WFIKKN2: variants seen among roughly 807,000 people sequenced by gnomAD.
The protein encoded by WFIKKN2 is WAP, follistatin/kazal, immunoglobulin, kunitz and netrin domain containing 2.
In WFIKKN2, 25 loss-of-function variants were observed where a neutral mutation model predicts 39.2. That is an observed-to-expected ratio of 0.64 (90% CI 0.47 to 0.89). WFIKKN2 has a LOEUF of 0.89. Among genes scored for constraint, WFIKKN2 ranks in the 40% least tolerant of loss-of-function variants. WFIKKN2 has a pLI of 0.00. For synonymous variants in WFIKKN2, 345 were observed against 329.7 expected (o/e 1.05, Z -0.50); for missense variants, 770 against 811.7 (o/e 0.95, Z 0.62).
Position 50,835,987 on chromosome 17 carries a change from C to T in WFIKKN2, c.50C>T (p.Ala17Val). 6.2e-7 allele frequency: 1 copy of T among 1,607,966 alleles called. No homozygotes were observed. The highest frequency in any genetic ancestry group is 1.1e-5 in the South Asian group (1 of 90,044). The change falls in exon 1 of 2, where the codon GCA becomes GTA. Residue 17 changes from alanine (A) to valine (V), a missense_variant. Physicochemically the swap from Ala to Val is moderately conservative, Grantham distance 64 (BLOSUM62 0). Coordinates refer to ENST00000311378, the MANE Select transcript of WFIKKN2 (RefSeq NM_175575.6). ...TTCTGGTCTCGCTGGGAGCAGGTGG[C>T]AGCGCTGCTGCTGCTGCTGCTACTG... ...RRFWSRWEQV[A>V]ALLLLLLLLG...
At chr17:50,837,853 G>T (rs1034973182) in intron 1 of WFIKKN2, among the ~76,000 whole-genome samples, 1 of 152,246 alleles carries the variant, frequency 6.6e-6, no homozygotes, top group Non-Finnish European at 1.5e-5. Flanking sequence ...GCAGGCACAG[G>T]CTGGCCTGAT....
chr17:50,835,157 G>C (rs961375518), upstream of WFIKKN2: 1 of 152,338 alleles, frequency 6.6e-6, no homozygotes, highest in Non-Finnish European at 1.5e-5. Context: ...CGGGGCCGGG[G>C]TGGGAGTCGG....
intron 1 of WFIKKN2, among the ~76,000 whole-genome samples, chr17:50,839,173 A>T (rs1275747934): frequency 1.3e-5 from 2 of 151,742 alleles, no homozygotes; most frequent in East Asian, 3.9e-4. Context: ...TCTTTGGCCC[A>T]CCCCTTCCTA....
rs1422789568 is a variant in WFIKKN2 at position 50,840,293 on chromosome 17, G to A, written c.1005G>A (p.Glu335=). The A allele has an allele frequency of 1.2e-6, 2 of 1,614,060 alleles. No individual in the cohort carries two copies. The highest frequency in any genetic ancestry group is 1.3e-5 in the African/African-American group (1 of 75,068). ...AGTGCCTGAAGCCCCCAGACAGTGA[G>A]GACTGTGGCGAAGAGCAGACCCGCT... ...AAECLKPPDS[E]DCGEEQTRWH... Residue 335 remains glutamate, a synonymous_variant, in exon 2 of 2, where the codon GAG becomes GAA. Transcript: ENST00000311378.
In WFIKKN2 at chr17:50,839,630, C is replaced by T; in HGVS notation, c.342C>T (p.Phe114=). ...CCAAGGAGGCCACATGTGACCACTT[C>T]ATGTGTCTGCAGCAGGGCTCTGAGT... is the stretch of plus-strand genomic sequence containing the variant. The part of the protein sequence containing the change: ...GMPKEATCDH[F]MCLQQGSECD... Residue 114 remains phenylalanine, a synonymous_variant, in exon 2 of 2, where the codon TTC becomes TTT. Transcript: ENST00000311378. The T allele has an allele frequency of 1.2e-6, 2 of 1,614,212 alleles. No homozygotes were observed. The highest frequency in any genetic ancestry group is 1.7e-6 in the Non-Finnish European group (2 of 1,180,022).
intron 1 of WFIKKN2, among the ~76,000 whole-genome samples, chr17:50,839,227 G>C (rs955138925): frequency 3.9e-5 from 6 of 152,260 alleles, no homozygotes; most frequent in Admixed American, 3.3e-4. Context: ...TAGCCTCTCT[G>C]TGCCTCAGTC....
chr17:50,839,573 C>A lies in WFIKKN2; in HGVS notation c.285C>A (p.Asp95Glu). The part of the protein sequence containing the change: ...TKSCVAARYM[D>E]VKGKKGPVGM... Reference sequence around the variant, plus strand: ...GCTGCGTGGCGGCCCGCTACATGGACGTGAAAGGGAAGAAGGGCCCAGTGG... The same window carrying A: ...GCTGCGTGGCGGCCCGCTACATGGAAGTGAAAGGGAAGAAGGGCCCAGTGG... The change falls in exon 2 of 2, where the codon GAC (aspartate) becomes GAA (glutamate). Residue 95 changes from aspartate (D) to glutamate (E), a missense_variant. Physicochemically the swap from Asp to Glu is conservative, Grantham distance 45. Coordinates refer to ENST00000311378, the MANE Select transcript of WFIKKN2 (RefSeq NM_175575.6). 1 of 1,614,116 alleles carries A rather than the reference C, an allele frequency of 6.2e-7. No individual in the cohort carries two copies. Among genetic ancestry groups the A allele is most frequent in the Non-Finnish European group, 8.5e-7 (1 of 1,180,016 alleles).
chr17:50,837,076 C>T (rs12949722), intron 1 of WFIKKN2, among the ~76,000 whole-genome samples: 97,616 of 151,628 alleles, frequency 0.64, 31,889 homozygotes, highest in Non-Finnish European at 0.72. Context: ...GTGCCGGGCA[C>T]GTCGTGTATG....
Position 50,840,327 on chromosome 17 carries a change from G to A in WFIKKN2, c.1039G>A (p.Asp347Asn), listed in dbSNP as rs771833676. The change falls in exon 2 of 2, where the codon GAT (aspartate) becomes AAT (asparagine). Residue 347 changes from aspartate to asparagine, a missense_variant. Coordinates refer to ENST00000311378, the MANE Select transcript of WFIKKN2 (RefSeq NM_175575.6). ...CGAAGAGCAGACCCGCTGGCACTTC[G>A]ATGCCCAGGCCAACAACTGCCTGAC... Reference protein sequence around the residue: ...CGEEQTRWHFDAQANNCLTFT... With the variant: ...CGEEQTRWHFNAQANNCLTFT... 3.2e-5 allele frequency: 51 copies of A among 1,614,006 alleles called. No individual in the cohort carries two copies. The highest frequency in any genetic ancestry group is 6.7e-5 in the East Asian group (3 of 44,882).
Position 50,840,314 on chromosome 17 carries a change from C to T in WFIKKN2, c.1026C>T (p.Thr342=), listed in dbSNP as rs778552604. 3 of 1,614,128 alleles carry T rather than the reference C, an allele frequency of 1.9e-6. No homozygotes were observed. The highest frequency in any genetic ancestry group is 2.5e-6 in the Non-Finnish European group (3 of 1,180,030). The change falls in exon 2 of 2, where the codon ACC becomes ACT. Residue 342 remains threonine, a synonymous_variant. Transcript: ENST00000311378. ...PDSEDCGEEQ[T]RWHFDAQANN... is the part of the protein sequence containing the mutation. ...GTGAGGACTGTGGCGAAGAGCAGAC[C>T]CGCTGGCACTTCGATGCCCAGGCCA...
Position 50,840,851 on chromosome 17 carries a change from C to G in WFIKKN2, c.1563C>G (p.Thr521=). Reference sequence around the variant, plus strand: ...GGGCATGCCCCTGCCCCAACGTGACCGTGAGCGAGATGCCGCTCATCATCA... The same window carrying G: ...GGGCATGCCCCTGCCCCAACGTGACGGTGAGCGAGATGCCGCTCATCATCA... ...VDWACPCPNV[T]VSEMPLIIMG... is the part of the protein sequence containing the mutation. Residue 521 remains threonine, a synonymous_variant, in exon 2 of 2, where the codon ACC becomes ACG. Coordinates refer to ENST00000311378, the MANE Select transcript of WFIKKN2 (RefSeq NM_175575.6). 6.2e-7 allele frequency: 1 copy of G among 1,611,118 alleles called. No individual in the cohort carries two copies. The highest frequency in any genetic ancestry group is 8.5e-7 in the Non-Finnish European group (1 of 1,177,688).
chr17:50,838,441 A>G (rs768646572), intron 1 of WFIKKN2, among the ~76,000 whole-genome samples: 31 of 152,180 alleles, frequency 2.0e-4, no homozygotes, highest in Non-Finnish European at 4.3e-4. Context: ...TAATTCACAG[A>G]GTTACTACCT....
rs1424701836 is a variant in WFIKKN2, at chr17:50,840,233, G to A, written c.945G>A (p.Glu315=). ...GTCATCAGGCTGCAGCCACCTCAGAGAGCAGCCCCAATGGCACGGCTTTCC... is the reference window on the plus strand; with the variant it reads ...GTCATCAGGCTGCAGCCACCTCAGAAAGCAGCCCCAATGGCACGGCTTTCC... ...VRGHQAAATS[E]SSPNGTAFPA... is the part of the protein sequence containing the mutation. The change falls in exon 2 of 2, where the codon GAG becomes GAA. Residue 315 remains glutamate, a synonymous_variant. Coordinates refer to ENST00000311378, the MANE Select transcript of WFIKKN2 (RefSeq NM_175575.6). 1.2e-6 allele frequency: 2 copies of A among 1,614,004 alleles called. No homozygotes were observed. The highest frequency in any genetic ancestry group is 1.7e-6 in the Non-Finnish European group (2 of 1,180,018).
Position 50,840,467 on chromosome 17 carries a change from G to A in WFIKKN2, c.1179G>A (p.Gly393=). 2 of 1,613,856 alleles carry A rather than the reference G, an allele frequency of 1.2e-6. No homozygotes were observed. Among genetic ancestry groups the A allele is most frequent in the Non-Finnish European group, 8.5e-7 (1 of 1,179,922 alleles). The change falls in exon 2 of 2, where the codon GGG becomes GGA. Residue 393 remains glycine, a synonymous_variant. Coordinates refer to ENST00000311378, the MANE Select transcript of WFIKKN2 (RefSeq NM_175575.6). ...LAACSLPALQ[G]PCKAYAPRWA... is the part of the protein sequence containing the mutation. ...CGTGCAGCCTGCCCGCCCTGCAGGG[G>A]CCCTGCAAAGCCTACGCGCCTCGCT...
At position 50,840,309 on chromosome 17, in the gene WFIKKN2, C is replaced by A; in HGVS notation, c.1021C>A (p.Gln341Lys). The change falls in exon 2 of 2, where the codon CAG becomes AAG. Residue 341 changes from glutamine (Q) to lysine (K), a missense_variant. Transcript: ENST00000311378. ...AGACAGTGAGGACTGTGGCGAAGAGCAGACCCGCTGGCACTTCGATGCCCA... is the reference window on the plus strand; with the variant it reads ...AGACAGTGAGGACTGTGGCGAAGAGAAGACCCGCTGGCACTTCGATGCCCA... ...PPDSEDCGEEQTRWHFDAQAN... is the reference protein window; with the variant it reads ...PPDSEDCGEEKTRWHFDAQAN... The A allele has an allele frequency of 1.5e-5, 25 of 1,614,096 alleles. No individual in the cohort carries two copies. The highest frequency in any genetic ancestry group is 2.0e-5 in the Non-Finnish European group (24 of 1,180,012).
rs140211672 is a variant in WFIKKN2, at chr17:50,835,960, G to C, written c.23G>C (p.Arg8Pro). 1,490 of 1,610,748 alleles carry C rather than the reference G, an allele frequency of 9.3e-4. 14 individuals carry two copies. The African/African-American group carries it at 0.016, about 17-fold the overall frequency. ...ACCATGTGGGCCCCAAGGTGTCGCC[G>C]GTTCTGGTCTCGCTGGGAGCAGGTG... MWAPRCR[R>P]FWSRWEQVAA... is the part of the protein sequence containing the mutation. Residue 8 changes from arginine to proline, a missense_variant, in exon 1 of 2, where the codon CGG becomes CCG. Coordinates refer to ENST00000311378, the MANE Select transcript of WFIKKN2 (RefSeq NM_175575.6).
In WFIKKN2 at chr17:50,835,665, G is replaced by A. The variant is rs902598930; in HGVS notation, c.-273G>A. 2.1e-6 allele frequency: 1 copy of A among 466,552 alleles called. No homozygotes were observed. Among genetic ancestry groups the A allele is most frequent in the East Asian group, 3.5e-5 (1 of 28,200 alleles). The allele number at this position is 466,552 out of a possible 1,614,324, so 28.9% of individuals were successfully genotyped here. On this transcript the variant is annotated 5_prime_UTR_variant, in exon 1 of 2. Coordinates refer to ENST00000311378, the MANE Select transcript of WFIKKN2 (RefSeq NM_175575.6). ...GGTGGCGCGCCCAGGATATAAATCC[G>A]GGCGCGGGCCCCTGCTGTGGCTCCT...
chr17:50,841,263 A>C lies in WFIKKN2; in HGVS notation c.*244A>C. 2.5e-6 allele frequency: 1 copy of C among 398,722 alleles called. No individual in the cohort carries two copies. The highest frequency in any genetic ancestry group is 4.5e-6 in the Non-Finnish European group (1 of 224,228). 24.7% of individuals were successfully genotyped at this position (398,722 alleles called of 1,614,324 possible). A position where few individuals can be genotyped will look rare whatever the true frequency, so the allele number is the denominator to read the frequency against. On this transcript the variant is annotated 3_prime_UTR_variant, in exon 2 of 2. Transcript: ENST00000311378. ...AGAAGTCAGTGGACACATGGAAGTT[A>C]CTCGTGACCACCAGCTTGCTCAGAT...
At position 50,835,987 on chromosome 17, in the gene WFIKKN2, C is replaced by G. The variant is rs1469893972; in HGVS notation, c.50C>G (p.Ala17Gly). ...RRFWSRWEQV[A>G]ALLLLLLLLG... ...TTCTGGTCTCGCTGGGAGCAGGTGGCAGCGCTGCTGCTGCTGCTGCTACTG... is the reference window on the plus strand; with the variant it reads ...TTCTGGTCTCGCTGGGAGCAGGTGGGAGCGCTGCTGCTGCTGCTGCTACTG... Residue 17 changes from alanine to glycine, a missense_variant, in exon 1 of 2, where the codon GCA becomes GGA. Transcript: ENST00000311378. The G allele has an allele frequency of 6.2e-7, 1 of 1,607,966 alleles. No individual in the cohort carries two copies. Among genetic ancestry groups the G allele is most frequent in the Non-Finnish European group, 8.5e-7 (1 of 1,177,708 alleles).
Sources: allele counts gnomAD v4.1 joint callset (sites outside exome capture counted in the v4.1 genomes callset), GRCh38; gene constraint gnomAD v4.1.1; transcripts MANE v1.5; gene names NCBI Gene and HGNC (gene_info 2026-07-23, HGNC 2026-07-21).